The following NPAS3 variants were observed in gnomAD, a reference collection of about 807,000 sequenced individuals.
NPAS3 encodes neuronal PAS domain-containing protein 3.
In NPAS3, 14 loss-of-function variants were observed where a neutral mutation model predicts 73.1. The ratio of observed to expected loss-of-function variants is 0.19; its 90% CI spans 0.13 to 0.30. The LOEUF (loss-of-function observed/expected upper bound fraction) is 0.30. NPAS3 is among the 10% of genes least tolerant of loss of function. The pLI is 1.00. For missense variants in NPAS3, 1,096 were observed against 1,250.0 expected, an observed-to-expected ratio of 0.88 and a Z score of 1.86; for synonymous variants, 620 against 541.5, an observed-to-expected ratio of 1.14 and a Z score of -2.01.
chr14:33,308,154 C>T (rs919982163), intron 3 of NPAS3, among the ~76,000 whole-genome samples: 1 of 152,034 alleles, frequency 6.6e-6, no homozygotes, highest in African/African-American at 2.4e-5. Flanking sequence ...GCCTCTCTCC[C>T]GCTGAGAAAG....
At chr14:33,316,158 T>A (rs1209744874) in intron 3 of NPAS3, among the ~76,000 whole-genome samples, 1 of 152,136 alleles carries the variant, frequency 6.6e-6, no homozygotes, top group Non-Finnish European at 1.5e-5. Flanking sequence ...TGGAGCTCAC[T>A]GAGCATTTCT....
At position 33,484,869 on chromosome 14, in the gene NPAS3, G is replaced by A. The variant is rs149200184; in HGVS notation, c.469-75252G>A. ...TCAAGGTGAGGGGAATTGCAACCACGCTTCACCTGACACCCAGACCCTTCA... is the reference window on the plus strand; with the variant it reads ...TCAAGGTGAGGGGAATTGCAACCACACTTCACCTGACACCCAGACCCTTCA... On this transcript the variant is annotated intron_variant, in intron 4 of 11. Transcript: ENST00000356141. Among the ~76,000 whole-genome samples the A allele has an allele frequency of 2.2e-3, 334 of 152,196 alleles. 1 individual carries two copies. Among genetic ancestry groups the A allele is most frequent in the African/African-American group, 7.7e-3 (319 of 41,544 alleles).
chr14:32,976,609 T>C (rs781727019), intron 1 of NPAS3, among the ~76,000 whole-genome samples: 1 of 152,208 alleles, frequency 6.6e-6, no homozygotes, highest in Non-Finnish European at 1.5e-5. Context: ...TCCATATCTC[T>C]TTCCAGCTGT....
At chr14:33,439,603 C>A (rs1199758940) in intron 4 of NPAS3, among the ~76,000 whole-genome samples, 1 of 152,068 alleles carries the variant, frequency 6.6e-6, no homozygotes, top group Non-Finnish European at 1.5e-5. Context: ...TTTTAAATAG[C>A]CCTTAAATTT....
intron 2 of NPAS3, among the ~76,000 whole-genome samples, chr14:33,083,344 A>G (rs1182859381): frequency 2.0e-5 from 3 of 152,148 alleles, no homozygotes; most frequent in Admixed American, 6.5e-5. Flanking sequence ...TGAAGATCCA[A>G]CTGGACCTTA....
intron 6 of NPAS3, among the ~76,000 whole-genome samples, chr14:33,699,463 A>C (rs1176871015): frequency 6.6e-6 from 1 of 152,188 alleles, no homozygotes; most frequent in Non-Finnish European, 1.5e-5. Context: ...ATCACCAAGC[A>C]GTTAGCTCCT....
intron 1 of NPAS3, among the ~76,000 whole-genome samples, chr14:32,975,263 T>C (rs1160337386): frequency 6.6e-6 from 1 of 151,910 alleles, no homozygotes; most frequent in Non-Finnish European, 1.5e-5. Context: ...TATGGTTGTT[T>C]TTTTTCTTTG....
In NPAS3 at chr14:33,304,097, C is replaced by T. The variant is rs1467865786; in HGVS notation, c.386-63089C>T. On this transcript the variant is annotated intron_variant, in intron 3 of 11. Transcript: ENST00000356141. ...CAATTTTTTGTATTTTTAGTAAAGA[C>T]GGGGTTCACTACCAAGTGTTAATTC... 8.5e-5 allele frequency among the ~76,000 whole-genome samples: 13 copies of T among 152,228 alleles called. No homozygotes were observed. The East Asian group carries it at 2.1e-3, about 25-fold the overall frequency.
chr14:33,738,325 A>T (rs1047466698), intron 7 of NPAS3, among the ~76,000 whole-genome samples: 1 of 152,192 alleles, frequency 6.6e-6, no homozygotes, highest in Non-Finnish European at 1.5e-5. Context: ...TGCTTAAAGG[A>T]TTAAGTCCCA....
chr14:33,596,161 C>T (rs2057237424), intron 5 of NPAS3, among the ~76,000 whole-genome samples: 1 of 152,192 alleles, frequency 6.6e-6, no homozygotes, highest in Admixed American at 6.5e-5. Flanking sequence ...GTGAGACCCA[C>T]CAAAGGCCTG....
At chr14:33,798,851 T>C (rs1009898297) in intron 11 of NPAS3, among the ~76,000 whole-genome samples, 1 of 151,628 alleles carries the variant, frequency 6.6e-6, no homozygotes, top group Non-Finnish European at 1.5e-5. Flanking sequence ...AAAACTAAAA[T>C]ATACAGTGAG....
chr14:33,793,738 C>T (rs1428377644), intron 9 of NPAS3, among the ~76,000 whole-genome samples, 159 bp from the exon 10 acceptor site: 1 of 152,126 alleles, frequency 6.6e-6, no homozygotes, highest in African/African-American at 2.4e-5. Flanking sequence ...TTTCATTTGT[C>T]CTACTAATGG....
intron 4 of NPAS3, among the ~76,000 whole-genome samples, chr14:33,500,272 C>A (rs1378342022): frequency 6.6e-6 from 1 of 151,720 alleles, no homozygotes; most frequent in Admixed American, 6.6e-5. Flanking sequence ...GTTTAAGAAT[C>A]CCAAGAAGTG....
chr14:33,745,148 C>T (rs746678636), intron 7 of NPAS3, among the ~76,000 whole-genome samples: 77 of 152,112 alleles, frequency 5.1e-4, no homozygotes, highest in Non-Finnish European at 9.8e-4. Flanking sequence ...ACTTAAGAGG[C>T]TGAGGCAGGA....
At chr14:33,494,508 C>T (rs2052068347) in intron 4 of NPAS3, among the ~76,000 whole-genome samples, 1 of 152,040 alleles carries the variant, frequency 6.6e-6, no homozygotes, top group Non-Finnish European at 1.5e-5. Context: ...CAAGTTGCTT[C>T]CCAATTTGGG....
chr14:33,122,328 A>G (rs1366402175), intron 2 of NPAS3, among the ~76,000 whole-genome samples: 1 of 152,174 alleles, frequency 6.6e-6, no homozygotes, highest in Non-Finnish European at 1.5e-5. Context: ...AATTGGAACT[A>G]TATAACCATC....
chr14:33,574,958 A>C (rs1019098832), intron 5 of NPAS3, among the ~76,000 whole-genome samples: 1 of 125,272 alleles, frequency 8.0e-6, no homozygotes. Context: ...ACCTTGGTCC[A>C]TGCACACAGT....
intron 4 of NPAS3, among the ~76,000 whole-genome samples, chr14:33,524,069 A>AT (rs1256481012): frequency 6.6e-6 from 1 of 152,082 alleles, no homozygotes. Flanking sequence ...CTTTGGGGAA[A>AT]TTTTTTTAGG....
intron 4 of NPAS3, among the ~76,000 whole-genome samples, chr14:33,419,536 T>C (rs1347958438): frequency 6.6e-6 from 1 of 151,928 alleles, no homozygotes; most frequent in African/African-American, 2.4e-5. Flanking sequence ...TTACTTGTAT[T>C]TGTAAGAATT....
Sources: gnomAD v4.1 joint callset for allele counts (sites outside exome capture counted in the v4.1 genomes callset) on GRCh38, gnomAD v4.1.1 for gene constraint, MANE v1.5 for transcripts, NCBI Gene and HGNC (gene_info 2026-07-23, HGNC 2026-07-21) for gene names.